Variants in MLLT3 observed in about 807,000 individuals in gnomAD.
MLLT3 encodes MLLT3 super elongation complex subunit.
Under a neutral mutation model 53.2 loss-of-function variants are expected in MLLT3, and 4 were observed. The ratio of observed to expected loss-of-function variants is 0.08; its 90% CI spans 0.04 to 0.17. MLLT3 has a LOEUF of 0.17. Ranked by LOEUF, MLLT3 falls within the 10% of genes least tolerant of loss-of-function variation. The pLI is 1.00. For synonymous variants in MLLT3, 283 were observed against 230.6 expected (o/e 1.23, Z -2.06); for missense variants, 569 against 684.0 (o/e 0.83, Z 1.87).
At chr9:20,580,518 G>T (rs897323697) in intron 2 of MLLT3, among the ~76,000 whole-genome samples, 1 of 152,076 alleles carries the variant, frequency 6.6e-6, no homozygotes, top group Admixed American at 6.6e-5. Flanking sequence ...GACTCTCTTG[G>T]ACAGTTTTTT....
intron 2 of MLLT3, among the ~76,000 whole-genome samples, chr9:20,466,522 T>C (rs906474313): frequency 6.6e-6 from 1 of 152,220 alleles, no homozygotes; most frequent in African/African-American, 2.4e-5. Flanking sequence ...ATCAGTTTAC[T>C]GTTTTCTCCC....
At chr9:20,556,993 T>C (rs1819075961) in intron 2 of MLLT3, among the ~76,000 whole-genome samples, 1 of 152,126 alleles carries the variant, frequency 6.6e-6, no homozygotes, top group African/African-American at 2.4e-5. Context: ...TAGCAGTCGG[T>C]CTGCACTCAA....
chr9:20,559,170 A>C (rs1445152367), intron 2 of MLLT3, among the ~76,000 whole-genome samples: 1 of 152,200 alleles, frequency 6.6e-6, no homozygotes, highest in East Asian at 1.9e-4. Context: ...TTTTATATAA[A>C]AGTAAAGTTA....
chr9:20,543,376 G>T (rs1468085372), intron 2 of MLLT3, among the ~76,000 whole-genome samples: 1 of 152,114 alleles, frequency 6.6e-6, no homozygotes, highest in Non-Finnish European at 1.5e-5. Context: ...CCTTTCACTG[G>T]AATACACAGT....
chr9:20,532,622 C>A, intron 2 of MLLT3: 1 of 261,322 alleles, frequency 3.8e-6, no homozygotes, highest in Non-Finnish European at 7.2e-6. Context: ...AAGCAGGAGG[C>A]CAAGAAAGTG....
chr9:20,475,536 G>A (rs996440202), intron 2 of MLLT3, among the ~76,000 whole-genome samples: 7 of 152,102 alleles, frequency 4.6e-5, no homozygotes, highest in South Asian at 4.1e-4. Flanking sequence ...TTAGGCAGCT[G>A]TATTGAAATA....
intron 2 of MLLT3, among the ~76,000 whole-genome samples, chr9:20,463,661 T>C (rs570944962): frequency 3.3e-5 from 5 of 152,266 alleles, no homozygotes; most frequent in African/African-American, 1.2e-4. Context: ...TGGACACAGA[T>C]GTCCAGGCTA....
intron 2 of MLLT3, among the ~76,000 whole-genome samples, chr9:20,600,099 T>C (rs1820379406): frequency 6.8e-6 from 1 of 147,610 alleles, no homozygotes; most frequent in African/African-American, 2.5e-5. Flanking sequence ...CTCTTTCTTA[T>C]CAAACATTTC....
At chr9:20,554,172 A>C (rs1174776877) in intron 2 of MLLT3, among the ~76,000 whole-genome samples, 1 of 152,150 alleles carries the variant, frequency 6.6e-6, no homozygotes, top group Non-Finnish European at 1.5e-5. Context: ...CCCCTCATTA[A>C]AGAGACATTA....
intron 2 of MLLT3, among the ~76,000 whole-genome samples, chr9:20,547,478 T>C (rs1275483897): frequency 3.3e-5 from 5 of 151,760 alleles, no homozygotes; most frequent in Non-Finnish European, 7.4e-5. Context: ...ACCCCGTCTC[T>C]ATTAAAATAC....
intron 2 of MLLT3, among the ~76,000 whole-genome samples, chr9:20,506,149 G>C (rs1443170303): frequency 6.6e-6 from 1 of 151,662 alleles, no homozygotes; most frequent in African/African-American, 2.4e-5. Flanking sequence ...CTGCCTCCCA[G>C]GTTCAAGCAA....
intron 2 of MLLT3, among the ~76,000 whole-genome samples, chr9:20,605,681 G>A (rs1167085644): frequency 6.6e-6 from 1 of 151,884 alleles, no homozygotes; most frequent in African/African-American, 2.4e-5. Context: ...CTTCCACAAA[G>A]GTTTGGGCCA....
At chr9:20,410,344 T>A (rs1822697042) in intron 5 of MLLT3, among the ~76,000 whole-genome samples, 1 of 152,212 alleles carries the variant, frequency 6.6e-6, no homozygotes, top group Non-Finnish European at 1.5e-5. Flanking sequence ...ACTTACATTT[T>A]TTTTATTAGT....
chr9:20,578,524 A>C (rs898868348), intron 2 of MLLT3, among the ~76,000 whole-genome samples: 4 of 152,108 alleles, frequency 2.6e-5, no homozygotes, highest in African/African-American at 9.7e-5. Context: ...AAAAAAGAAA[A>C]AGAAAAAGAA....
chr9:20,349,771 T>C (rs1249784904), intron 10 of MLLT3, among the ~76,000 whole-genome samples: 3 of 152,206 alleles, frequency 2.0e-5, no homozygotes, highest in Admixed American at 6.5e-5. Flanking sequence ...CACCACCCGC[T>C]ACCTCCTCTA....
intron 2 of MLLT3, among the ~76,000 whole-genome samples, chr9:20,519,329 T>C (rs1268086819): frequency 1.3e-5 from 2 of 152,036 alleles, no homozygotes; most frequent in African/African-American, 2.4e-5. Flanking sequence ...GAGTGAGGAG[T>C]ATACAGGGAC....
chr9:20,501,804 G>GGCGAGGT (rs1825241701), intron 2 of MLLT3, among the ~76,000 whole-genome samples: 1 of 148,386 alleles, frequency 6.7e-6, no homozygotes, highest in African/African-American at 2.5e-5. Context: ...CAAGAGGTCA[G>GGCGAGGT]GCGAGGTGGC....
intron 5 of MLLT3, among the ~76,000 whole-genome samples, chr9:20,379,640 T>G (rs1056786976): frequency 6.6e-6 from 1 of 152,144 alleles, no homozygotes; most frequent in Non-Finnish European, 1.5e-5. Context: ...TTACAAACTT[T>G]AGGTTTTAAT....
intron 4 of MLLT3, among the ~76,000 whole-genome samples, chr9:20,437,988 G>A (rs989365612): frequency 2.6e-5 from 4 of 152,192 alleles, no homozygotes; most frequent in African/African-American, 9.7e-5. Flanking sequence ...TAGCAAAACA[G>A]TCTTATCAAA....
Sources: gnomAD v4.1 joint callset for allele counts (sites outside exome capture counted in the v4.1 genomes callset) on GRCh38, gnomAD v4.1.1 for gene constraint, MANE v1.5 for transcripts, NCBI Gene and HGNC (gene_info 2026-07-23, HGNC 2026-07-21) for gene names.